Variants in EYS observed in about 807,000 individuals in gnomAD.
The protein encoded by EYS is EGF-like photoreceptor maintenance factor.
Under a neutral mutation model 282.1 loss-of-function variants are expected in EYS, and 250 were observed. That is an observed-to-expected ratio of 0.89 (90% confidence interval 0.80 to 0.98). The LOEUF is 0.98. Among genes scored for constraint, EYS ranks in the 50% least tolerant of loss-of-function variants. The pLI is 0.00. For synonymous variants in EYS, 1,355 were observed against 1,282.9 expected, an observed-to-expected ratio of 1.06 and a Z score of -1.20; for missense variants, 4,016 against 3,709.0, an observed-to-expected ratio of 1.08 and a Z score of -2.15.
intron 2 of EYS, among the ~76,000 whole-genome samples, chr6:65,629,474 G>A (rs574433351): frequency 6.6e-6 from 1 of 152,308 alleles, no homozygotes; most frequent in African/African-American, 2.4e-5. Context: ...TCTGAAGTTA[G>A]AATCATAAGA....
chr6:64,762,754 G>T (rs1773201642), intron 22 of EYS, among the ~76,000 whole-genome samples: 1 of 151,878 alleles, frequency 6.6e-6, no homozygotes. Context: ...AAATTTATTT[G>T]GTATTTGGGT....
Position 64,859,932 on chromosome 6 carries a change from CT to C in EYS, c.2992+26764del, listed in dbSNP as rs372985278. Among the ~76,000 whole-genome samples the C allele has an allele frequency of 5.1e-4, 78 of 152,284 alleles. 1 individual carries two copies. The East Asian group carries it at 0.013, about 26-fold the overall frequency. On this transcript the variant is annotated intron_variant, in intron 19 of 42. Coordinates refer to ENST00000503581, the MANE Select transcript of EYS (RefSeq NM_001142800.2). ...TTTGATTAGTCTTAGCATGGTATAT[CT>C]TTTTATATCTCTTCTATCATTCACT...
At chr6:64,165,531 G>A (rs1257421189) in intron 31 of EYS, among the ~76,000 whole-genome samples, 1 of 152,048 alleles carries the variant, frequency 6.6e-6, no homozygotes, top group African/African-American at 2.4e-5. Context: ...GTATACTTCA[G>A]AGCTTGACTA....
intron 22 of EYS, among the ~76,000 whole-genome samples, chr6:64,771,043 A>G (rs894380100): frequency 4.6e-5 from 7 of 151,766 alleles, no homozygotes; most frequent in African/African-American, 1.4e-4. Context: ...ATGAGCGCCA[A>G]TTCCCCTTCT....
At chr6:64,865,126 T>C (rs1224229567) in intron 19 of EYS, among the ~76,000 whole-genome samples, 1 of 152,206 alleles carries the variant, frequency 6.6e-6, no homozygotes, top group African/African-American at 2.4e-5. Context: ...TATAACAATC[T>C]ATATATTTAT....
intron 2 of EYS, among the ~76,000 whole-genome samples, chr6:65,604,515 C>T (rs1353341493): frequency 6.6e-6 from 1 of 151,622 alleles, no homozygotes; most frequent in Non-Finnish European, 1.5e-5. Context: ...ACTAAAATAC[C>T]AAGGTGTAGG....
chr6:65,175,046 A>G (rs993543265), intron 12 of EYS, among the ~76,000 whole-genome samples: 14 of 151,408 alleles, frequency 9.2e-5, no homozygotes, highest in Admixed American at 2.0e-4. Context: ...CATGTCACAC[A>G]CTGAAATTCA....
At chr6:64,661,163 C>T (rs1293647166) in intron 22 of EYS, among the ~76,000 whole-genome samples, 4 of 152,056 alleles carry the variant, frequency 2.6e-5, no homozygotes, top group Non-Finnish European at 5.9e-5. Flanking sequence ...ATAAATGGTG[C>T]TGGGAAAACT....
intron 31 of EYS, among the ~76,000 whole-genome samples, chr6:64,219,699 T>C (rs1766035380): frequency 1.3e-5 from 2 of 152,214 alleles, no homozygotes; most frequent in African/African-American, 4.8e-5. Flanking sequence ...GCACCTGTTG[T>C]TTCCTGACTT....
intron 2 of EYS, among the ~76,000 whole-genome samples, chr6:65,568,709 C>G (rs879831293): frequency 5.3e-5 from 8 of 152,152 alleles, no homozygotes; most frequent in Non-Finnish European, 1.2e-4. Flanking sequence ...TTGATTTTCT[C>G]AGGAGAAGCA....
intron 7 of EYS, among the ~76,000 whole-genome samples, chr6:65,387,574 A>C (rs952552141): frequency 1.3e-5 from 2 of 151,908 alleles, no homozygotes; most frequent in Non-Finnish European, 2.9e-5. Flanking sequence ...AATTAGAAAA[A>C]ATATTTTTTA....
At chr6:65,077,924 C>A (rs1405154423) in intron 12 of EYS, among the ~76,000 whole-genome samples, 1 of 152,048 alleles carries the variant, frequency 6.6e-6, no homozygotes, top group Non-Finnish European at 1.5e-5. Context: ...CAGATGCTTT[C>A]AGTTGTTGTA....
intron 26 of EYS, among the ~76,000 whole-genome samples, chr6:64,513,715 G>GT (rs1387614619): frequency 2.6e-5 from 4 of 151,862 alleles, no homozygotes; most frequent in African/African-American, 9.7e-5. Flanking sequence ...CAAAATGTGA[G>GT]TAAATGTATT....
intron 22 of EYS, among the ~76,000 whole-genome samples, chr6:64,807,823 G>C (rs1156381607): frequency 1.3e-5 from 2 of 151,950 alleles, no homozygotes; most frequent in African/African-American, 4.8e-5. Context: ...AACTTATTTT[G>C]CTTGAAATAG....
intron 35 of EYS, among the ~76,000 whole-genome samples, chr6:63,962,775 T>C (rs1201574457): frequency 1.3e-5 from 2 of 152,154 alleles, no homozygotes; most frequent in African/African-American, 2.4e-5. Context: ...ACCCAAAGGA[T>C]TATAAAACAT....
chr6:63,930,907 T>C (rs1446843949), intron 35 of EYS, among the ~76,000 whole-genome samples: 6 of 152,212 alleles, frequency 3.9e-5, no homozygotes, highest in African/African-American at 1.4e-4. Context: ...TTGATGATCA[T>C]ATTAGCATTT....
At chr6:64,275,964 C>CA (rs1163549964) in intron 30 of EYS, among the ~76,000 whole-genome samples, 2,245 of 118,778 alleles carry the variant, frequency 0.019, 51 homozygotes, top group African/African-American at 0.056. Flanking sequence ...GACTCCATCT[C>CA]AAAAAAAAAA....
intron 2 of EYS, among the ~76,000 whole-genome samples, chr6:65,609,965 T>A (rs1765934948): frequency 6.6e-6 from 1 of 152,156 alleles, no homozygotes; most frequent in Admixed American, 6.6e-5. Context: ...AATGGTGCAA[T>A]TTTAGGTCAT....
chr6:64,178,569 C>A (rs910291504), intron 31 of EYS, among the ~76,000 whole-genome samples: 1 of 151,986 alleles, frequency 6.6e-6, no homozygotes, highest in Non-Finnish European at 1.5e-5. Context: ...AGCACTGTGC[C>A]TGAGCATCAT....
Sources: gnomAD v4.1 joint callset for allele counts (sites outside exome capture counted in the v4.1 genomes callset) on GRCh38, gnomAD v4.1.1 for gene constraint, MANE v1.5 for transcripts, NCBI Gene and HGNC (gene_info 2026-07-23, HGNC 2026-07-21) for gene names.